CEP120: variants seen among roughly 807,000 people sequenced by gnomAD.
The protein encoded by CEP120 is centrosomal protein of 120 kDa.
CEP120 carries 113 observed loss-of-function variants against 126.5 expected under a neutral mutation model. The observed-to-expected ratio is 0.89, with a 90% confidence interval of 0.77 to 1.04. The LOEUF (loss-of-function observed/expected upper bound fraction) is 1.04, where lower values mean the gene tolerates loss of function less well. Among genes scored for constraint, CEP120 ranks in the 50% least tolerant of loss-of-function variants. The probability of loss-of-function intolerance (pLI) is 0.00; values close to 1 mark genes in which losing one functional copy is unlikely to be tolerated. For missense variants in CEP120, 1,230 were observed against 1,155.7 expected (o/e 1.06, Z -0.93); for synonymous variants, 400 against 394.3 (o/e 1.01, Z -0.17).
intron 4 of CEP120, chr5:123,401,392 G>T (rs1171858844): frequency 3.4e-6 from 5 of 1,471,830 alleles, no homozygotes; most frequent in African/African-American, 1.4e-5. Flanking sequence ...TCTCAGCCTG[G>T]AGCCGGCTGA....
Position 123,423,004 on chromosome 5 carries a change from C to G in CEP120, c.-6G>C. 1 of 1,613,880 alleles carries G rather than the reference C, an allele frequency of 6.2e-7. No homozygotes were observed. The highest frequency in any genetic ancestry group is 8.5e-7 in the Non-Finnish European group (1 of 1,179,854). ...TGGTCGGATTTGGAGACCATGGTTG[C>G]GGTGAGCGGTCCGGGGGCGAAGGCG... On this transcript the variant is annotated 5_prime_UTR_variant, in exon 1 of 20. Transcript: ENST00000306467.
At chr5:123,346,810 C>CTATT in intron 19 of CEP120, 57 bp from the exon 20 acceptor site, 8 of 1,245,962 alleles carry the variant, frequency 6.4e-6, no homozygotes, top group Non-Finnish European at 8.7e-6. Context: ...CTTAATGTCA[C>CTATT]TATTTAAAAA....
chr5:123,383,673 T>C (rs971601218), intron 11 of CEP120, among the ~76,000 whole-genome samples: 4 of 152,144 alleles, frequency 2.6e-5, no homozygotes, highest in Admixed American at 6.5e-5. Context: ...TTACTAGACA[T>C]AAGCAATGCC....
At chr5:123,371,481 C>T (rs932926797) in intron 17 of CEP120, among the ~76,000 whole-genome samples, 1 of 151,940 alleles carries the variant, frequency 6.6e-6, no homozygotes, top group African/African-American at 2.4e-5. Flanking sequence ...TATCTCCCAC[C>T]GGGTCCCTCC....
chr5:123,399,334 A>G, intron 4 of CEP120, 50 bp from the exon 5 acceptor site: 1 of 1,546,630 alleles, frequency 6.5e-7, no homozygotes, highest in Non-Finnish European at 8.8e-7. Context: ...GTCATAAACC[A>G]TTATAAGATT....
chr5:123,422,506 G>C (rs1774785264), intron 1 of CEP120: 3 of 1,535,294 alleles, frequency 2.0e-6, no homozygotes, highest in African/African-American at 2.7e-5. Flanking sequence ...AAGAACTGTA[G>C]TCCCCTGAGT....
At chr5:123,358,246 G>C (rs1432598611) in intron 18 of CEP120, 1 of 152,088 alleles carries the variant, frequency 6.6e-6, no homozygotes, top group Non-Finnish European at 1.5e-5. Flanking sequence ...TCAGGATAGT[G>C]GTTACCTCTG....
chr5:123,389,882 C>A (rs1264621169), intron 8 of CEP120, 42 bp downstream of exon 8: 3 of 1,520,738 alleles, frequency 2.0e-6, no homozygotes, highest in African/African-American at 2.8e-5. Context: ...CTGCAAAATG[C>A]AATACCTCAA....
chr5:123,419,253 A>G (rs1774565454), intron 1 of CEP120, among the ~76,000 whole-genome samples: 1 of 152,252 alleles, frequency 6.6e-6, no homozygotes. Context: ...AGGTACTACT[A>G]TTGCACTACT....
At chr5:123,383,315 CT>C (rs543212155) in intron 11 of CEP120, among the ~76,000 whole-genome samples, 166 of 152,116 alleles carry the variant, frequency 1.1e-3, no homozygotes, top group African/African-American at 3.8e-3. Flanking sequence ...AAAATGACCC[CT>C]ATGAGAGCTT....
chr5:123,355,796 T>C (rs1303587958), intron 18 of CEP120, among the ~76,000 whole-genome samples: 2 of 151,748 alleles, frequency 1.3e-5, no homozygotes, highest in Non-Finnish European at 1.5e-5. Flanking sequence ...ATCCCATTTG[T>C]CAATTTTGGC....
At chr5:123,348,031 T>C (rs1768955657) in intron 19 of CEP120, among the ~76,000 whole-genome samples, 1 of 152,188 alleles carries the variant, frequency 6.6e-6, no homozygotes, top group South Asian at 2.1e-4. Flanking sequence ...CAGTACTGAA[T>C]ACTGAACACT....
chr5:123,385,126 A>G lies in CEP120; in HGVS notation c.1588T>C (p.Leu530=), dbSNP rs552897498. 1.4e-5 allele frequency: 22 copies of G among 1,611,194 alleles called. No homozygotes were observed. In the African/African-American group the frequency reaches 2.3e-4, roughly 17 times the overall value. ...TCCTTGTGCCATAGTTCAACCAGTAATGGAATCCTAAGGAAGAGAGAAACA... is the reference window on the plus strand; with the variant it reads ...TCCTTGTGCCATAGTTCAACCAGTAGTGGAATCCTAAGGAAGAGAGAAACA... ...QLQDTFLRIP[L]LVELWHKDKM... Residue 530 remains leucine (L), a synonymous_variant, in exon 11 of 20, where the codon TTA becomes CTA. Coordinates refer to ENST00000306467, the MANE Select transcript of CEP120 (RefSeq NM_001375405.1).
Position 123,386,605 on chromosome 5 carries a change from C to A in CEP120, c.1493G>T (p.Arg498Leu). The A allele has an allele frequency of 6.3e-7, 1 of 1,584,374 alleles. No homozygotes were observed. The highest frequency in any genetic ancestry group is 8.6e-7 in the Non-Finnish European group (1 of 1,167,670). The stretch of plus-strand genomic sequence containing the variant: ...GGGAAGAAAAACTTCCATGTTTTTC[C>A]GAACTTCTACAGGAGGATTAGTCAT... The part of the protein sequence containing the change: ...PIMTNPPVEV[R>L]KNMEVFLPQS... Residue 498 changes from arginine to leucine, a missense_variant, in exon 10 of 20, where the codon CGG becomes CTG. Coordinates refer to ENST00000306467, the MANE Select transcript of CEP120 (RefSeq NM_001375405.1).
chr5:123,377,568 T>G, intron 15 of CEP120, 33 bp from the exon 16 acceptor site: 2 of 1,530,760 alleles, frequency 1.3e-6, no homozygotes, highest in Non-Finnish European at 1.8e-6. Flanking sequence ...GAGGTTGGTT[T>G]ATTGCTAGCT....
In CEP120 at chr5:123,364,484, T is replaced by A. The variant is rs780840446; in HGVS notation, c.2580+12A>T. On this transcript the variant is annotated intron_variant, in intron 18 of 19. Transcript: ENST00000306467. ...AAAAAGATATAAAAAGAATAAGCTA[T>A]AAACTACATACCTGTTTAAGTCTGG... The A allele has an allele frequency of 1.9e-6, 3 of 1,560,674 alleles. No homozygotes were observed. The African/African-American group carries it at 4.1e-5, about 21-fold the overall frequency.
At chr5:123,355,956 A>C (rs560479547) in intron 18 of CEP120, among the ~76,000 whole-genome samples, 5 of 151,646 alleles carry the variant, frequency 3.3e-5, no homozygotes, top group East Asian at 1.9e-4. Flanking sequence ...ATTTTTGTAT[A>C]AGGTGTAAGG....
intron 11 of CEP120, among the ~76,000 whole-genome samples, chr5:123,384,431 G>T (rs145308680): frequency 6.6e-6 from 1 of 151,726 alleles, no homozygotes; most frequent in African/African-American, 2.4e-5. Flanking sequence ...TTAAAAAAAC[G>T]CAAGTTTTTC....
chr5:123,367,464 T>A (rs1437281629), intron 17 of CEP120, among the ~76,000 whole-genome samples: 2 of 151,806 alleles, frequency 1.3e-5, no homozygotes, highest in African/African-American at 4.8e-5. Context: ...AAATCCAAAG[T>A]GTTCCAAAAT....
Sources: allele counts gnomAD v4.1 joint callset (sites outside exome capture counted in the v4.1 genomes callset), GRCh38; gene constraint gnomAD v4.1.1; transcripts MANE v1.5; gene names NCBI Gene and HGNC (gene_info 2026-07-23, HGNC 2026-07-21).